Variants in CDKAL1 observed in about 807,000 individuals in gnomAD.
CDKAL1 encodes the protein threonylcarbamoyladenosine tRNA methylthiotransferase.
In CDKAL1, 32 loss-of-function variants were observed where a neutral mutation model predicts 68.2. The observed-to-expected ratio is 0.47, with a 90% confidence interval of 0.35 to 0.63. The LOEUF is 0.63. Among genes scored for constraint, CDKAL1 ranks in the 30% least tolerant of loss-of-function variants. The pLI is 0.00. For synonymous variants in CDKAL1, 234 were observed against 244.3 expected, an observed-to-expected ratio of 0.96 and a Z score of 0.39; for missense variants, 606 against 696.7, an observed-to-expected ratio of 0.87 and a Z score of 1.47.
intron 12 of CDKAL1, among the ~76,000 whole-genome samples, chr6:21,069,009 G>T (rs1028252947): frequency 6.6e-6 from 1 of 152,060 alleles, no homozygotes; most frequent in African/African-American, 2.4e-5. Context: ...AAATAAAGTT[G>T]ATTAAAATAT....
At chr6:20,776,523 A>G (rs1775177127) in intron 7 of CDKAL1, among the ~76,000 whole-genome samples, 1 of 152,234 alleles carries the variant, frequency 6.6e-6, no homozygotes, top group Non-Finnish European at 1.5e-5. Context: ...TTTAAGCAAT[A>G]AAGCTTTCTG....
chr6:20,994,389 G>T (rs183235504), intron 10 of CDKAL1, among the ~76,000 whole-genome samples: 37 of 152,342 alleles, frequency 2.4e-4, no homozygotes, highest in African/African-American at 6.5e-4. Context: ...TGAGGCAAGA[G>T]AATCACTTGA....
intron 13 of CDKAL1, among the ~76,000 whole-genome samples, chr6:21,174,689 GAAT>G (rs1375232535): frequency 6.6e-6 from 1 of 151,312 alleles, no homozygotes; most frequent in Non-Finnish European, 1.5e-5. Context: ...ATGATGCCAA[GAAT>G]AAAAAAACAC....
intron 11 of CDKAL1, among the ~76,000 whole-genome samples, chr6:21,007,509 A>T (rs9348454): frequency 8.6e-6 from 1 of 116,738 alleles, no homozygotes; most frequent in East Asian, 2.9e-4. Flanking sequence ...AAAAAAAAAA[A>T]GCCCACAATG....
intron 4 of CDKAL1, among the ~76,000 whole-genome samples, chr6:20,575,108 AAAAAT>A (rs964255886): frequency 6.6e-6 from 1 of 152,196 alleles, no homozygotes; most frequent in African/African-American, 2.4e-5. Context: ...AAAATTAAAA[AAAAAT>A]AAAGTTAGGA....
At chr6:20,552,926 A>G (rs1000201288) in intron 4 of CDKAL1, among the ~76,000 whole-genome samples, 2 of 152,198 alleles carry the variant, frequency 1.3e-5, no homozygotes, top group East Asian at 1.9e-4. Context: ...TTTCATTACT[A>G]TGGAATAATG....
chr6:21,216,350 C>A (rs1470718459), intron 15 of CDKAL1, among the ~76,000 whole-genome samples: 1 of 151,908 alleles, frequency 6.6e-6, no homozygotes, highest in African/African-American at 2.4e-5. Flanking sequence ...TCCTGTATTC[C>A]CAGCATTTTG....
At chr6:20,908,524 TTG>T (rs1288806680) in intron 9 of CDKAL1, among the ~76,000 whole-genome samples, 1 of 152,210 alleles carries the variant, frequency 6.6e-6, no homozygotes, top group Non-Finnish European at 1.5e-5. Context: ...TTAAAAGCAG[TTG>T]TGTCATAAAC....
chr6:20,578,116 T>G (rs1395493316), intron 4 of CDKAL1, among the ~76,000 whole-genome samples: 8 of 152,230 alleles, frequency 5.3e-5, no homozygotes, highest in Admixed American at 2.6e-4. Flanking sequence ...TAAGTATGTA[T>G]AACATTCCTA....
At chr6:20,585,420 C>A (rs13209907) in intron 4 of CDKAL1, among the ~76,000 whole-genome samples, 10,461 of 152,212 alleles carry the variant, frequency 0.069, 521 homozygotes, top group African/African-American at 0.13. Flanking sequence ...TCCTCTCCAA[C>A]TATTCCATTT....
chr6:20,641,826 G>T (rs1768191275), intron 4 of CDKAL1, among the ~76,000 whole-genome samples: 1 of 126,094 alleles, frequency 7.9e-6, no homozygotes, highest in Admixed American at 8.8e-5. Context: ...ATGTTTGTGT[G>T]TGTGCGTGCG....
chr6:20,762,725 GCTTACCTC>G (rs1424567986), intron 7 of CDKAL1, among the ~76,000 whole-genome samples: 5 of 152,256 alleles, frequency 3.3e-5, no homozygotes, highest in Admixed American at 3.3e-4. Flanking sequence ...TCATGTTAAT[GCTTACCTC>G]TTACTTCCTC....
chr6:20,556,257 A>G (rs1764038627), intron 4 of CDKAL1, among the ~76,000 whole-genome samples: 1 of 151,924 alleles, frequency 6.6e-6, no homozygotes, highest in Non-Finnish European at 1.5e-5. Flanking sequence ...CCCAGCTACT[A>G]GGAAGGCCGA....
chr6:21,119,811 C>T lies in CDKAL1; in HGVS notation c.1299+11348C>T, dbSNP rs150857339. ...GTACCTGTTTCCCTTCTATTGGAGACAGTAAGGTGAAAACTCAGTACTAGG... is the reference window on the plus strand; with the variant it reads ...GTACCTGTTTCCCTTCTATTGGAGATAGTAAGGTGAAAACTCAGTACTAGG... On this transcript the variant is annotated intron_variant, in intron 13 of 15. Transcript: ENST00000274695. 7.8e-4 allele frequency among the ~76,000 whole-genome samples: 118 copies of T among 152,210 alleles called. 1 individual carries two copies. Among genetic ancestry groups the T allele is most frequent in the African/African-American group, 2.7e-3 (113 of 41,554 alleles).
At chr6:20,705,613 G>A (rs562765774) in intron 5 of CDKAL1, among the ~76,000 whole-genome samples, 6 of 152,174 alleles carry the variant, frequency 3.9e-5, no homozygotes, top group Non-Finnish European at 8.8e-5. Flanking sequence ...CTGGGCCTAA[G>A]AAGCTCTTTT....
rs540972348 is a variant in CDKAL1 at position 21,114,363 on chromosome 6, A to G, written c.1299+5900A>G. 2.0e-4 allele frequency among the ~76,000 whole-genome samples: 30 copies of G among 152,176 alleles called. 1 individual carries two copies. In the South Asian group the frequency reaches 5.2e-3, roughly 26 times the overall value. On this transcript the variant is annotated intron_variant, in intron 13 of 15. Coordinates refer to ENST00000274695, the MANE Select transcript of CDKAL1 (RefSeq NM_017774.3). ...AGATGAGGAAAGTAGAATCATTATC[A>G]CCCCAAATTATTTACTTAATTAGAT...
intron 15 of CDKAL1, among the ~76,000 whole-genome samples, chr6:21,203,499 G>C (rs1196357430): frequency 6.6e-6 from 1 of 151,450 alleles, no homozygotes; most frequent in African/African-American, 2.4e-5. Flanking sequence ...GCTTCCCAAA[G>C]TGCTGGAATT....
intron 4 of CDKAL1, among the ~76,000 whole-genome samples, chr6:20,601,381 T>A (rs1346701796): frequency 1.3e-5 from 2 of 152,206 alleles, no homozygotes; most frequent in Non-Finnish European, 2.9e-5. Flanking sequence ...GATAACACAT[T>A]TTTAATTCAG....
At chr6:20,644,976 C>G (rs1768372523) in intron 4 of CDKAL1, among the ~76,000 whole-genome samples, 1 of 152,150 alleles carries the variant, frequency 6.6e-6, no homozygotes, top group South Asian at 2.1e-4. Flanking sequence ...TATGGTATAG[C>G]CTATTGCTCC....
Sources: allele counts gnomAD v4.1 joint callset (sites outside exome capture counted in the v4.1 genomes callset), GRCh38; gene constraint gnomAD v4.1.1; transcripts MANE v1.5; gene names NCBI Gene and HGNC (gene_info 2026-07-23, HGNC 2026-07-21).